Variants in AMZ2 observed in about 807,000 individuals in gnomAD.
The protein encoded by AMZ2 is archaemetzincin-2.
AMZ2 carries 26 observed loss-of-function variants against 36.7 expected under a neutral mutation model. The ratio of observed to expected loss-of-function variants is 0.71; its 90% confidence interval spans 0.52 to 0.98. The LOEUF is 0.98. Ranked by LOEUF, AMZ2 falls within the 50% of genes least tolerant of loss-of-function variation. The probability of loss-of-function intolerance (pLI) is 0.00; values close to 1 mark genes in which losing one functional copy is unlikely to be tolerated. For synonymous variants in AMZ2, 144 were observed against 149.1 expected, an observed-to-expected ratio of 0.97 and a Z score of 0.25; for missense variants, 394 against 430.5, an observed-to-expected ratio of 0.92 and a Z score of 0.75.
At chr17:68,256,021 T>G (rs1555742751) in intron 6 of AMZ2, 145 bp downstream of exon 6, 14 of 918,906 alleles carry the variant, frequency 1.5e-5, no homozygotes, top group Non-Finnish European at 7.8e-6. Context: ...TTTAAAAATG[T>G]GAAGAAATGC....
intron 1 of AMZ2, among the ~76,000 whole-genome samples, chr17:68,221,736 GA>G (rs57589374): frequency 0.46 from 68,203 of 148,300 alleles, 15,512 homozygotes; most frequent in East Asian, 0.52. Flanking sequence ...TTAAAAAAAA[GA>G]AAAAAAAAAA....
intron 1 of AMZ2, chr17:68,206,732 C>T (rs1407446453): frequency 1.3e-5 from 2 of 152,322 alleles, no homozygotes; most frequent in South Asian, 2.1e-4. Context: ...GATTGTGGCA[C>T]ACAAACACAC....
In AMZ2 at chr17:68,250,763, G is replaced by T. The variant is rs782586964; in HGVS notation, c.284-31G>T. The T allele has an allele frequency of 3.3e-6, 5 of 1,521,038 alleles. No individual in the cohort carries two copies. The South Asian group carries it at 6.3e-5, about 19-fold the overall frequency. 94.2% of individuals were successfully genotyped at this position (1,521,038 alleles called of 1,614,324 possible). A position where few individuals can be genotyped will look rare whatever the true frequency, so the allele number is the denominator to read the frequency against. On this transcript the variant is annotated intron_variant, in intron 2 of 6. Transcript: ENST00000359904. ...GTAAACACTGAATAATCATCTTAAA[G>T]TCTGTTTTTAAATGTTCTTCCATAT...
rs1211244731 is a variant in AMZ2, at chr17:68,235,501, C to T, written c.-66-13139C>T. On this transcript the variant is annotated intron_variant, in intron 1 of 7. Transcript: ENST00000674770. The surrounding 1 kb of genome is among the most constrained non-coding windows in gnomAD (Gnocchi z 4.2). ...GTCCACAGACCGTGGAGTTCGCGCCCTCTCACTGTGGCACACGGGCCTGAG... is the reference window on the plus strand; with the variant it reads ...GTCCACAGACCGTGGAGTTCGCGCCTTCTCACTGTGGCACACGGGCCTGAG... 1.3e-5 allele frequency among the ~76,000 whole-genome samples: 2 copies of T among 152,178 alleles called. No individual in the cohort carries two copies. Among genetic ancestry groups the T allele is most frequent in the African/African-American group, 2.4e-5 (1 of 41,436 alleles).
At chr17:68,255,661 A>G (rs113321532) in intron 5 of AMZ2, 39 bp from the exon 6 acceptor site, 1 of 1,592,638 alleles carries the variant, frequency 6.3e-7, no homozygotes, top group African/African-American at 1.3e-5. Context: ...GCCTAATGTG[A>G]TGGTGGTCTT....
intron 1 of AMZ2, among the ~76,000 whole-genome samples, chr17:68,227,445 A>C (rs1555730167): frequency 2.0e-5 from 3 of 152,220 alleles, no homozygotes; most frequent in Non-Finnish European, 4.4e-5. Flanking sequence ...CCCTTGGTAG[A>C]TTAAGACAAC....
In AMZ2 at chr17:68,249,298, C is replaced by A. The variant is rs115041297; in HGVS notation, c.-1+593C>A. On this transcript the variant is annotated intron_variant, in intron 1 of 6. Coordinates refer to ENST00000359904, the MANE Select transcript of AMZ2 (RefSeq NM_016627.5). ...AACGATGAGTATTTTTCATGTGGCA[C>A]TGATGAGTTAATTCATATTATTATT... is the stretch of plus-strand genomic sequence containing the variant. 544 of 240,118 alleles carry A rather than the reference C, an allele frequency of 2.3e-3. 2 individuals carry two copies. Among genetic ancestry groups the A allele is most frequent in the African/African-American group, 0.012 (523 of 44,454 alleles). The allele number at this position is 240,118 out of a possible 1,614,324, so 14.9% of individuals were successfully genotyped here.
intron 1 of AMZ2, among the ~76,000 whole-genome samples, chr17:68,221,256 G>A (rs547219593): frequency 2.6e-4 from 20 of 76,464 alleles, no homozygotes; most frequent in South Asian, 1.5e-3. Flanking sequence ...GCATGCCACC[G>A]TGCCCAACTA....
At chr17:68,250,050 C>CT (rs1338171905) in intron 1 of AMZ2, 138 bp from the exon 2 acceptor site, 1 of 909,504 alleles carries the variant, frequency 1.1e-6, no homozygotes, top group African/African-American at 1.7e-5. Flanking sequence ...GGAAACCACT[C>CT]TAAGTGTGAC....
intron 1 of AMZ2, among the ~76,000 whole-genome samples, chr17:68,222,616 T>A (rs1241247269): frequency 6.6e-6 from 1 of 152,176 alleles, no homozygotes; most frequent in Non-Finnish European, 1.5e-5. Flanking sequence ...AACTAGACGG[T>A]CCCATCTGGG....
At chr17:68,221,621 G>A (rs1310230750) in intron 1 of AMZ2, among the ~76,000 whole-genome samples, 2 of 152,060 alleles carry the variant, frequency 1.3e-5, no homozygotes, top group South Asian at 2.1e-4. Flanking sequence ...CAGCTACTCC[G>A]GAGGCTGAGG....
At chr17:68,220,714 A>C (rs1223872757) in intron 1 of AMZ2, among the ~76,000 whole-genome samples, 1 of 151,740 alleles carries the variant, frequency 6.6e-6, no homozygotes, top group East Asian at 1.9e-4. Flanking sequence ...AAATGCTCCA[A>C]CCCTTCAGAG....
chr17:68,245,156 G>C (rs1387360863), upstream of AMZ2, among the ~76,000 whole-genome samples: 2 of 150,958 alleles, frequency 1.3e-5, no homozygotes, highest in African/African-American at 4.9e-5. Flanking sequence ...TTAGTTAACA[G>C]GCAAAAATAC....
intron 1 of AMZ2, among the ~76,000 whole-genome samples, chr17:68,221,705 G>A (rs1434219691): frequency 4.6e-5 from 7 of 151,276 alleles, no homozygotes; most frequent in Non-Finnish European, 8.8e-5. Context: ...TCCAGCCTGG[G>A]CGACAGAGCA....
At position 68,250,900 on chromosome 17, in the gene AMZ2, TC is replaced by T; in HGVS notation, c.392del (p.Pro131LeufsTer4). ...GLRVKLLEPV[P>X]VSVTRCSFRV... ...TGAGAGTAAAACTCCTAGAACCAGT[TC>T]CTGTTTCTGTAACAAGATGTTCCTT... On this transcript the variant is annotated frameshift_variant, in exon 3 of 7. Transcript: ENST00000359904. LOFTEE classifies it high-confidence loss of function. 9 of 1,610,692 alleles carry T rather than the reference TC, an allele frequency of 5.6e-6. No homozygotes were observed. The highest frequency in any genetic ancestry group is 7.6e-6 in the Non-Finnish European group (9 of 1,179,190).
intron 1 of AMZ2, among the ~76,000 whole-genome samples, chr17:68,236,948 T>A (rs1555732743): frequency 6.6e-6 from 1 of 152,198 alleles, no homozygotes; most frequent in East Asian, 1.9e-4. Context: ...ATATATACAC[T>A]GCTTGGGACT....
upstream of AMZ2, chr17:68,247,839 G>A (rs16972842): frequency 1.0e-4 from 102 of 985,524 alleles, 1 homozygote; most frequent in East Asian, 7.5e-3. Flanking sequence ...GACAGCTGGG[G>A]CTTGTAGTCC....
intron 1 of AMZ2, among the ~76,000 whole-genome samples, chr17:68,227,779 A>G (rs2144581684): frequency 6.6e-6 from 1 of 152,208 alleles, no homozygotes; most frequent in South Asian, 2.1e-4. Flanking sequence ...AGGTGGGAGG[A>G]TCACTTGGGG....
At position 68,249,343 on chromosome 17, in the gene AMZ2, T is replaced by C. The variant is rs145909941; in HGVS notation, c.-1+638T>C. 164 of 175,114 alleles carry C rather than the reference T, an allele frequency of 9.4e-4. 1 individual carries two copies. Among genetic ancestry groups the C allele is most frequent in the African/African-American group, 3.7e-3 (158 of 42,376 alleles). The allele number at this position is 175,114 out of a possible 1,614,324, so 10.8% of individuals were successfully genotyped here. ...ATTATTTTTTGAGACAGAGTCTCTATTGCCCAGGCTGGACTGCAGTGGCAC... is the reference window on the plus strand; with the variant it reads ...ATTATTTTTTGAGACAGAGTCTCTACTGCCCAGGCTGGACTGCAGTGGCAC... On this transcript the variant is annotated intron_variant, in intron 1 of 6. Transcript: ENST00000359904.
Sources: allele counts gnomAD v4.1 joint callset (sites outside exome capture counted in the v4.1 genomes callset), GRCh38; gene constraint gnomAD v4.1.1; non-coding constraint Gnocchi (gnomAD v3.1); transcripts MANE v1.5; gene names NCBI Gene and HGNC (gene_info 2026-07-23, HGNC 2026-07-21).